The following PTPRD variants were observed in gnomAD, a reference collection of about 807,000 sequenced individuals.
PTPRD encodes receptor-type tyrosine-protein phosphatase delta.
Under a neutral mutation model 214.5 loss-of-function variants are expected in PTPRD, and 34 were observed. That is an observed-to-expected ratio of 0.16 (90% confidence interval 0.12 to 0.21). The LOEUF (loss-of-function observed/expected upper bound fraction) is 0.21, where lower values mean the gene tolerates loss of function less well. PTPRD is among the 10% of genes least tolerant of loss of function. The pLI is 1.00. For synonymous variants in PTPRD, 1,128 were observed against 845.7 expected (o/e 1.33, Z -5.79); for missense variants, 2,545 against 2,398.7 (o/e 1.06, Z -1.27).
chr9:9,433,784 T>C (rs986166247), intron 8 of PTPRD, among the ~76,000 whole-genome samples: 1 of 152,178 alleles, frequency 6.6e-6, no homozygotes, highest in African/African-American at 2.4e-5. Context: ...AAATGGCCAT[T>C]GCATGTAAGA....
At chr9:9,975,839 A>C (rs535163536) in intron 4 of PTPRD, among the ~76,000 whole-genome samples, 1 of 152,336 alleles carries the variant, frequency 6.6e-6, no homozygotes, top group East Asian at 1.9e-4. Flanking sequence ...TTACTGCATT[A>C]AAGTGGGGAT....
chr9:8,786,058 T>TG (rs764097438), intron 11 of PTPRD, among the ~76,000 whole-genome samples: 2 of 98,920 alleles, frequency 2.0e-5, no homozygotes, highest in African/African-American at 5.2e-5. Flanking sequence ...TGTGTGTGTG[T>TG]GTGTGTGTGT....
At chr9:9,134,806 C>CGTGTGTGTGTCTGTGT (rs2099848377) in intron 10 of PTPRD, among the ~76,000 whole-genome samples, 1 of 150,572 alleles carries the variant, frequency 6.6e-6, no homozygotes, top group Admixed American at 6.6e-5. Flanking sequence ...ATTTGGAGTG[C>CGTGTGTGTGTCTGTGT]GTGTGTGTGT....
intron 32 of PTPRD, among the ~76,000 whole-genome samples, chr9:8,461,479 C>T (rs895417602): frequency 5.9e-5 from 9 of 151,922 alleles, no homozygotes; most frequent in Non-Finnish European, 1.0e-4. Flanking sequence ...CTTCTTGGCT[C>T]TACCTGCCCC....
chr9:9,597,736 G>A (rs1293150261), intron 7 of PTPRD, among the ~76,000 whole-genome samples: 1 of 151,938 alleles, frequency 6.6e-6, no homozygotes, highest in African/African-American at 2.4e-5. Context: ...CAGCTCAGTA[G>A]TGCGAAGAGA....
At chr9:8,456,872 T>C (rs1434737911) in intron 33 of PTPRD, among the ~76,000 whole-genome samples, 1 of 152,196 alleles carries the variant, frequency 6.6e-6, no homozygotes. Context: ...TTCCATAGTA[T>C]GTAATAAACA....
chr9:10,603,749 T>C (rs529279567), intron 2 of PTPRD, among the ~76,000 whole-genome samples: 4 of 151,854 alleles, frequency 2.6e-5, no homozygotes, highest in Admixed American at 2.6e-4. Flanking sequence ...TCTCAAGAAC[T>C]CATGAGGCAG....
intron 3 of PTPRD, among the ~76,000 whole-genome samples, chr9:10,319,630 G>A (rs1474638356): frequency 6.6e-6 from 1 of 151,964 alleles, no homozygotes; most frequent in South Asian, 2.1e-4. Flanking sequence ...TTTAAATAAC[G>A]GAATGGATAT....
chr9:8,478,551 T>A (rs2096814284), intron 30 of PTPRD, among the ~76,000 whole-genome samples: 1 of 152,148 alleles, frequency 6.6e-6, no homozygotes, highest in South Asian at 2.1e-4. Flanking sequence ...ATACCCAGAG[T>A]AAAATTCTGC....
chr9:8,915,010 G>A (rs552990408), intron 11 of PTPRD, among the ~76,000 whole-genome samples: 82 of 152,124 alleles, frequency 5.4e-4, no homozygotes, highest in Admixed American at 8.5e-4. Context: ...AACCCTGTAC[G>A]AGAACACATG....
chr9:9,794,186 C>G (rs187026385), intron 5 of PTPRD, among the ~76,000 whole-genome samples: 3 of 146,342 alleles, frequency 2.0e-5, no homozygotes, highest in African/African-American at 7.8e-5. Context: ...TGTATATATA[C>G]ATATGTGTGT....
intron 3 of PTPRD, among the ~76,000 whole-genome samples, chr9:10,318,109 T>C (rs1055642860): frequency 6.6e-6 from 1 of 152,062 alleles, no homozygotes; most frequent in Non-Finnish European, 1.5e-5. Context: ...TTTGACAGAA[T>C]AGATATCTAC....
rs1250321138 is a variant in PTPRD, at chr9:8,976,947, C to T, written c.-104+41750G>A. Among the ~76,000 whole-genome samples, 8 of 152,040 alleles carry T rather than the reference C, an allele frequency of 5.3e-5. No homozygotes were observed. The South Asian group carries it at 8.3e-4, about 16-fold the overall frequency. ...CTTCAAAGCTTCAGTTCTACTTCTC[C>T]ATTTGTCTGTTGGACATTTCTACCA... On this transcript the variant is annotated intron_variant, in intron 11 of 45. Coordinates refer to ENST00000381196, the MANE Select transcript of PTPRD (RefSeq NM_002839.4).
chr9:10,360,016 A>G (rs1056616359), intron 2 of PTPRD, among the ~76,000 whole-genome samples: 5 of 152,214 alleles, frequency 3.3e-5, no homozygotes, highest in African/African-American at 7.2e-5. Context: ...ATTTTTCTCA[A>G]TGTTCCTTTT....
At chr9:8,416,707 G>A (rs1182280932) in intron 35 of PTPRD, among the ~76,000 whole-genome samples, 7 of 152,154 alleles carry the variant, frequency 4.6e-5, no homozygotes, top group Non-Finnish European at 1.0e-4. Flanking sequence ...CTCACCAAAG[G>A]ATGGTAGTGA....
chr9:10,288,769 G>C lies in PTPRD; in HGVS notation c.-545+52194C>G, dbSNP rs72698934. ...TTTACTTTACAAATTCTAAAATATAGACATGGCAAGAGCCCAGATTAGAAT... is the reference window on the plus strand; with the variant it reads ...TTTACTTTACAAATTCTAAAATATACACATGGCAAGAGCCCAGATTAGAAT... On this transcript the variant is annotated intron_variant, in intron 3 of 45. Transcript: ENST00000381196. Among the ~76,000 whole-genome samples the C allele has an allele frequency of 4.9e-3, 743 of 152,072 alleles. 4 individuals carry two copies. The highest frequency in any genetic ancestry group is 8.6e-3 in the Non-Finnish European group (586 of 68,012).
Position 8,465,674 on chromosome 9 carries a change from AGCTT to A in PTPRD, c.3505-3_3505del, listed in dbSNP as rs1360241827. 6.3e-7 allele frequency: 1 copy of A among 1,596,858 alleles called. No homozygotes were observed. The highest frequency in any genetic ancestry group is 8.5e-7 in the Non-Finnish European group (1 of 1,171,880). ...GCGCTTCCTAGATATCTCCTTAAGCAGCTTAAGGAAAAAAGTGGGAAACAGAAAA... is the reference window on the plus strand; with the variant it reads ...GCGCTTCCTAGATATCTCCTTAAGCAAAGGAAAAAAGTGGGAAACAGAAAA... On this transcript the variant is annotated splice_acceptor_variant and splice_polypyrimidine_tract_variant and coding_sequence_variant and intron_variant, in exon 32 of 46. Transcript: ENST00000381196. LOFTEE classifies it high-confidence loss of function.
In PTPRD at chr9:10,432,213, A is replaced by G. The variant is rs1166496606; in HGVS notation, c.-599-91196T>C. Among the ~76,000 whole-genome samples, 3 of 145,030 alleles carry G rather than the reference A, an allele frequency of 2.1e-5. No homozygotes were observed. In the East Asian group the frequency reaches 6.3e-4, roughly 31 times the overall value. On this transcript the variant is annotated intron_variant, in intron 2 of 45. Transcript: ENST00000381196. ...AAAAAACCAAACACCGCATATTCTC[A>G]CTCATAGGCGGGAATTGAACAATGA...
intron 27 of PTPRD, among the ~76,000 whole-genome samples, chr9:8,490,491 T>A (rs1591839214): frequency 6.6e-6 from 1 of 152,194 alleles, no homozygotes; most frequent in East Asian, 1.9e-4. Context: ...ATTCTCCCTG[T>A]CACAGTCATC....
Sources: allele counts gnomAD v4.1 joint callset (sites outside exome capture counted in the v4.1 genomes callset), GRCh38; gene constraint gnomAD v4.1.1; transcripts MANE v1.5; gene names NCBI Gene and HGNC (gene_info 2026-07-23, HGNC 2026-07-21).